The following GPM6A variants were observed in gnomAD, a reference collection of about 807,000 sequenced individuals.
GPM6A encodes glycoprotein M6A.
In GPM6A, 7 loss-of-function variants were observed where a neutral mutation model predicts 32.1. The ratio of observed to expected loss-of-function variants is 0.22; its 90% CI spans 0.12 to 0.41. GPM6A has a LOEUF of 0.41. Ranked by LOEUF, GPM6A falls within the 10% of genes least tolerant of loss-of-function variation. The pLI is 1.00. For synonymous variants in GPM6A, 130 were observed against 123.4 expected (o/e 1.05, Z -0.35); for missense variants, 235 against 347.2 (o/e 0.68, Z 2.57).
chr4:175,948,383 A>T (rs1432367129), intron 1 of GPM6A, among the ~76,000 whole-genome samples: 1 of 152,200 alleles, frequency 6.6e-6, no homozygotes, highest in African/African-American at 2.4e-5. Flanking sequence ...GAAGATGGCC[A>T]TCTGTGGGCC....
At chr4:175,785,128 C>G (rs931619168) in intron 1 of GPM6A, among the ~76,000 whole-genome samples, 1 of 152,160 alleles carries the variant, frequency 6.6e-6, no homozygotes, top group Non-Finnish European at 1.5e-5. Context: ...AGAAACCTTG[C>G]GACTGTTGCC....
At chr4:175,720,362 T>C (rs925379734) in intron 1 of GPM6A, among the ~76,000 whole-genome samples, 3 of 152,208 alleles carry the variant, frequency 2.0e-5, no homozygotes, top group African/African-American at 7.2e-5. Context: ...AAGCTCATTT[T>C]CAATTCCTAT....
chr4:175,835,691 AATAT>A (rs932880591), intron 1 of GPM6A, among the ~76,000 whole-genome samples: 6 of 145,904 alleles, frequency 4.1e-5, no homozygotes, highest in African/African-American at 1.5e-4. Flanking sequence ...ATACTTTATA[AATAT>A]ATATAATATA....
At chr4:175,798,419 A>G (rs1734323636) in intron 1 of GPM6A, among the ~76,000 whole-genome samples, 1 of 152,210 alleles carries the variant, frequency 6.6e-6, no homozygotes, top group Non-Finnish European at 1.5e-5. Context: ...TCAGTTATTC[A>G]AGACAAATAA....
At chr4:175,636,751 A>C (rs1740640620) in intron 6 of GPM6A, among the ~76,000 whole-genome samples, 1 of 150,240 alleles carries the variant, frequency 6.7e-6, no homozygotes, top group Non-Finnish European at 1.5e-5. Context: ...AGCTGAGATC[A>C]TGATACTCTC....
At chr4:175,676,727 C>T (rs1427146013) in intron 2 of GPM6A, among the ~76,000 whole-genome samples, 1 of 151,418 alleles carries the variant, frequency 6.6e-6, no homozygotes, top group Non-Finnish European at 1.5e-5. Flanking sequence ...GCCTGAGAAA[C>T]AAAGTGAGAA....
At chr4:175,900,053 G>C (rs1195182394) in intron 1 of GPM6A, among the ~76,000 whole-genome samples, 1 of 151,988 alleles carries the variant, frequency 6.6e-6, no homozygotes, top group African/African-American at 2.4e-5. Context: ...GCCGAGGCAG[G>C]CGGATCACCT....
At position 175,835,634 on chromosome 4, in the gene GPM6A, T is replaced by TATATAC. The variant is rs557827341; in HGVS notation, c.-22-23386_-22-23385insGTATAT. Among the ~76,000 whole-genome samples the TATATAC allele has an allele frequency of 1.9e-3, 274 of 144,266 alleles. 1 individual carries two copies. The highest frequency in any genetic ancestry group is 6.7e-3 in the African/African-American group (259 of 38,822). The allele number at this position is 144,266 out of a possible 152,430, so 94.6% of individuals were successfully genotyped here. A position where few individuals can be genotyped will look rare whatever the true frequency, so the allele number is the denominator to read the frequency against. On this transcript the variant is annotated intron_variant, in intron 1 of 7. Coordinates refer to the GPM6A transcript ENST00000280187. Reference sequence around the variant, plus strand: ...ATGTGTGTGTGAGTGTGTGTATATATATATATATATATATATGCTTGTATG... The same window carrying TATATAC: ...ATGTGTGTGTGAGTGTGTGTATATATATATACATATATATATATATATGCTTGTATG...
chr4:175,817,536 T>C (rs1184483793), intron 1 of GPM6A, among the ~76,000 whole-genome samples: 2 of 152,170 alleles, frequency 1.3e-5, no homozygotes, highest in African/African-American at 4.8e-5. Context: ...CTAACCTATA[T>C]TTAGTTTTGA....
chr4:175,766,095 G>A (rs927111582), intron 1 of GPM6A, among the ~76,000 whole-genome samples: 14 of 152,018 alleles, frequency 9.2e-5, no homozygotes, highest in South Asian at 4.2e-4. Flanking sequence ...ATAACTACTC[G>A]GTCCTACATG....
intron 1 of GPM6A, among the ~76,000 whole-genome samples, chr4:175,837,034 C>T (rs1735790079): frequency 6.6e-6 from 1 of 152,072 alleles, no homozygotes; most frequent in Non-Finnish European, 1.5e-5. Context: ...GGGTTATCTA[C>T]ATGAACCCAA....
chr4:175,824,081 A>G (rs1735358443), intron 1 of GPM6A, among the ~76,000 whole-genome samples: 1 of 152,204 alleles, frequency 6.6e-6, no homozygotes, highest in South Asian at 2.1e-4. Context: ...AGGAGAAAAC[A>G]AATAGGCCCA....
intron 1 of GPM6A, among the ~76,000 whole-genome samples, chr4:175,780,313 G>T (rs1463071770): frequency 1.3e-5 from 2 of 152,112 alleles, no homozygotes; most frequent in South Asian, 2.1e-4. Flanking sequence ...CTCTCAAAGT[G>T]CTGGGATTAC....
chr4:175,782,050 T>C (rs1018805809), intron 1 of GPM6A, among the ~76,000 whole-genome samples: 10 of 152,208 alleles, frequency 6.6e-5, no homozygotes, highest in African/African-American at 2.4e-4. Context: ...TAATGGTGTC[T>C]ATCTCATTGG....
chr4:175,772,001 C>T (rs1392067297), intron 1 of GPM6A, among the ~76,000 whole-genome samples: 1 of 152,156 alleles, frequency 6.6e-6, no homozygotes, highest in Non-Finnish European at 1.5e-5. Context: ...ACCCTTGGTC[C>T]TGTCATTTTC....
At chr4:175,783,394 G>T (rs1205001006) in intron 1 of GPM6A, among the ~76,000 whole-genome samples, 1 of 151,604 alleles carries the variant, frequency 6.6e-6, no homozygotes, top group African/African-American at 2.4e-5. Context: ...TAATCCTTTT[G>T]ACTTCAATAT....
chr4:175,726,665 G>A (rs1320855990), intron 1 of GPM6A, among the ~76,000 whole-genome samples: 2 of 152,092 alleles, frequency 1.3e-5, no homozygotes, highest in Non-Finnish European at 2.9e-5. Flanking sequence ...TAATTATAAT[G>A]CAGAGAAGCT....
intron 2 of GPM6A, among the ~76,000 whole-genome samples, chr4:175,677,577 T>C (rs1460412217): frequency 1.3e-5 from 2 of 152,136 alleles, no homozygotes; most frequent in East Asian, 3.9e-4. Flanking sequence ...CCAAAAAAAG[T>C]GCTTTCAATA....
rs183951313 is a variant in GPM6A, at chr4:175,969,032, G to A, written c.-23+33277C>T. On this transcript the variant is annotated intron_variant, in intron 1 of 7. Transcript: ENST00000280187. ...ACAACCAATATATCCTTCACTAGGC[G>A]AATAGATAAATTGTAGCACTTCCAT... Among the ~76,000 whole-genome samples the A allele has an allele frequency of 3.7e-3, 559 of 152,134 alleles. 1 individual carries two copies. The highest frequency in any genetic ancestry group is 7.0e-3 in the Non-Finnish European group (479 of 68,008).
Sources: allele counts gnomAD v4.1 joint callset (sites outside exome capture counted in the v4.1 genomes callset), GRCh38; gene constraint gnomAD v4.1.1; transcripts MANE v1.5; gene names NCBI Gene and HGNC (gene_info 2026-07-23, HGNC 2026-07-21).